Variants in NCF4 observed in about 807,000 individuals in gnomAD.
The protein encoded by NCF4 is neutrophil cytosol factor 4.
A neutral mutation model predicts 41.7 loss-of-function variants in NCF4; 30 were observed. The ratio of observed to expected loss-of-function variants is 0.72; its 90% CI spans 0.54 to 0.97. The LOEUF (loss-of-function observed/expected upper bound fraction) is 0.97. NCF4 is among the 50% of genes least tolerant of loss of function. The probability of loss-of-function intolerance (pLI) is 0.00; values close to 1 mark genes in which losing one functional copy is unlikely to be tolerated. For synonymous variants in NCF4, 195 were observed against 175.8 expected (o/e 1.11, Z -0.87); for missense variants, 432 against 460.9 (o/e 0.94, Z 0.57).
At position 36,865,185 on chromosome 22, in the gene NCF4, G is replaced by A; in HGVS notation, c.271+113G>A. ...AACCCCAGTGAAAACTGTTCATGTA[G>A]TTTATAGCCCCCACTCCCGGCAGTT... is the stretch of plus-strand genomic sequence containing the variant. On this transcript the variant is annotated intron_variant, in intron 3 of 9. Transcript: ENST00000248899. This position sits in a 1 kb window ranked among gnomAD's most constrained non-coding sequence, Gnocchi z 4.3. 1 of 1,468,930 alleles carries A rather than the reference G, an allele frequency of 6.8e-7. No individual in the cohort carries two copies. The highest frequency in any genetic ancestry group is 9.3e-7 in the Non-Finnish European group (1 of 1,079,634). 91.0% of individuals were successfully genotyped at this position (1,468,930 alleles called of 1,614,324 possible).
At chr22:36,861,332 C>G in intron 1 of NCF4, 129 bp downstream of exon 1, 8 of 1,207,424 alleles carry the variant, frequency 6.6e-6, no homozygotes, top group Admixed American at 2.0e-5. Flanking sequence ...CCCAAATACT[C>G]AGAAATGCAA....
chr22:36,872,342 A>C lies in NCF4; in HGVS notation c.544A>C (p.Thr182Pro), dbSNP rs1168414742. 1 of 1,610,650 alleles carries C rather than the reference A, an allele frequency of 6.2e-7. No individual in the cohort carries two copies. Among genetic ancestry groups the C allele is most frequent in the Non-Finnish European group, 8.5e-7 (1 of 1,176,872 alleles). Residue 182 changes from threonine (T) to proline (P), a missense_variant, in exon 7 of 10, where the codon ACT (threonine) becomes CCT (proline). Transcript: ENST00000248899. Reference protein sequence around the residue: ...APRAEALFDFTGNSKLELNFK... With the variant: ...APRAEALFDFPGNSKLELNFK... Reference sequence around the variant, plus strand: ...TTCTCCTCAGGCTCTATTTGACTTCACTGGAAACAGCAAACTGGAGCTGAA... The same window carrying C: ...TTCTCCTCAGGCTCTATTTGACTTCCCTGGAAACAGCAAACTGGAGCTGAA...
chr22:36,863,029 G>T (rs1282972151), intron 1 of NCF4, among the ~76,000 whole-genome samples: 1 of 152,174 alleles, frequency 6.6e-6, no homozygotes. Context: ...CCTGGGTGAG[G>T]TCCCCAAGGG....
intron 2 of NCF4, among the ~76,000 whole-genome samples, chr22:36,864,542 T>C (rs930330743): frequency 6.6e-6 from 1 of 152,122 alleles, no homozygotes; most frequent in South Asian, 2.1e-4. Flanking sequence ...CAGACACAGA[T>C]GGAGGGGGCA....
rs567656365 is a variant in NCF4 at position 36,870,416 on chromosome 22, G to A, written c.344G>A (p.Ser115Asn). Residue 115 changes from serine (S) to asparagine (N), a missense_variant and splice_region_variant, in exon 5 of 10, where the codon AGC (serine) becomes AAC (asparagine). By Grantham distance (46) the Ser-to-Asn change is conservative. Coordinates refer to ENST00000248899, the MANE Select transcript of NCF4 (RefSeq NM_000631.5). Reference protein sequence around the residue: ...RIPALNAYMKSLLSLPVWVLM... With the variant: ...RIPALNAYMKNLLSLPVWVLM... ...GGTTCTGCTGTCTCACCCACACAGA[G>A]CCTGCTCAGCCTGCCGGTCTGGGTG... 50 of 1,613,840 alleles carry A rather than the reference G, an allele frequency of 3.1e-5. 1 individual carries two copies. The East Asian group carries it at 6.7e-4, about 22-fold the overall frequency.
Position 36,877,760 on chromosome 22 carries a change from C to A in NCF4, c.957C>A (p.Leu319=). 1 of 1,614,112 alleles carries A rather than the reference C, an allele frequency of 6.2e-7. No individual in the cohort carries two copies. The highest frequency in any genetic ancestry group is 8.5e-7 in the Non-Finnish European group (1 of 1,180,020). ...QARGLPSQKR[L]FPWKLHITQK... ...GTGGCCTCCCCTCCCAGAAGCGCCTCTTCCCCTGGAAGCTGCACATCACGC... is the reference window on the plus strand; with the variant it reads ...GTGGCCTCCCCTCCCAGAAGCGCCTATTCCCCTGGAAGCTGCACATCACGC... The change falls in exon 10 of 10, where the codon CTC becomes CTA. Residue 319 remains leucine (L), a synonymous_variant. Transcript: ENST00000248899.
chr22:36,867,534 C>T, intron 4 of NCF4, 72 bp downstream of exon 4: 1 of 1,523,812 alleles, frequency 6.6e-7, no homozygotes, highest in Non-Finnish European at 9.1e-7. Flanking sequence ...ACGTACCATC[C>T]CTGGGTATGG....
At chr22:36,874,968 A>G (rs1818448731) in intron 7 of NCF4, among the ~76,000 whole-genome samples, 1 of 152,180 alleles carries the variant, frequency 6.6e-6, no homozygotes, top group African/African-American at 2.4e-5. Context: ...CAGCGCGCAC[A>G]GCGTGTCATT....
intron 6 of NCF4, 176 bp from the exon 7 acceptor site, chr22:36,872,151 T>G: frequency 1.4e-6 from 1 of 719,794 alleles, no homozygotes. Flanking sequence ...CAGGGAGACC[T>G]GGGTTCAATT....
rs6000455 is a variant in NCF4 at position 36,871,727 on chromosome 22, G to A, written c.528+18G>A. 85 of 1,552,978 alleles carry A rather than the reference G, an allele frequency of 5.5e-5. No individual in the cohort carries two copies. Among genetic ancestry groups the A allele is most frequent in the African/African-American group, 4.2e-4 (31 of 73,356 alleles). On this transcript the variant is annotated intron_variant, in intron 6 of 9. Transcript: ENST00000248899. ...GAGCAGAGGTAACCCCCGCCCCCAC[G>A]CTGGCCAGGCTCTCACACTGTGGGC...
chr22:36,873,915 G>C (rs1477173596), intron 7 of NCF4, among the ~76,000 whole-genome samples: 1 of 152,238 alleles, frequency 6.6e-6, no homozygotes, highest in African/African-American at 2.4e-5. Context: ...AGCAGTAAAA[G>C]CTGCTGATGA....
chr22:36,868,749 C>G (rs545248870), intron 4 of NCF4, among the ~76,000 whole-genome samples: 1 of 152,280 alleles, frequency 6.6e-6, no homozygotes, highest in African/African-American at 2.4e-5. Context: ...TCTTAGCAAC[C>G]AGCAGCCCAG....
At chr22:36,861,794 A>G (rs1373082468) in intron 1 of NCF4, among the ~76,000 whole-genome samples, 2 of 152,190 alleles carry the variant, frequency 1.3e-5, no homozygotes, top group Non-Finnish European at 2.9e-5. Context: ...GTCCGTTTTG[A>G]TCGCTGCTGT....
chr22:36,864,013 A>G (rs370630589), intron 1 of NCF4, 32 bp from the exon 2 acceptor site: 128 of 1,600,430 alleles, frequency 8.0e-5, no homozygotes, highest in Non-Finnish European at 1.1e-4. Flanking sequence ...TCAGGGTGAT[A>G]AGCAGGATCT....
chr22:36,871,366 T>C (rs1940050613), intron 5 of NCF4, among the ~76,000 whole-genome samples: 1 of 152,212 alleles, frequency 6.6e-6, no homozygotes, highest in Admixed American at 6.5e-5. Flanking sequence ...ATCTGAACAC[T>C]TTGGCAAGTG....
intron 1 of NCF4, among the ~76,000 whole-genome samples, chr22:36,861,812 G>A (rs1348713076): frequency 6.6e-6 from 1 of 152,200 alleles, no homozygotes; most frequent in Non-Finnish European, 1.5e-5. Flanking sequence ...TGTATCACTA[G>A]GAGGTAGCTC....
chr22:36,874,114 C>T (rs749054707), intron 7 of NCF4, among the ~76,000 whole-genome samples: 1 of 152,172 alleles, frequency 6.6e-6, no homozygotes, highest in Non-Finnish European at 1.5e-5. Context: ...GGGTGTGCGG[C>T]GCCTGGCCAG....
Position 36,867,247 on chromosome 22 carries a change from C to A in NCF4, c.272-145C>A, listed in dbSNP as rs1939949404. On this transcript the variant is annotated intron_variant, in intron 3 of 9. Coordinates refer to ENST00000248899, the MANE Select transcript of NCF4 (RefSeq NM_000631.5). ...AAGTTGGATGGTGCCAGAGTGGCCA[C>A]TTCAGTGCTGTGAAAAGATAACAGG... is the stretch of plus-strand genomic sequence containing the variant. 3 of 823,108 alleles carry A rather than the reference C, an allele frequency of 3.6e-6. No individual in the cohort carries two copies. In the South Asian group the frequency reaches 4.3e-5, roughly 12 times the overall value. The allele number at this position is 823,108 out of a possible 1,614,324, so 51.0% of individuals were successfully genotyped here.
Position 36,875,700 on chromosome 22 carries a change from G to T in NCF4, c.675G>T (p.Lys225Asn). ...GCATCTTCCCTCTCTCCTTCGTGAA[G>T]ATCCTCAAAGACTTCCCTGAGGAGG... ...ATGIFPLSFV[K>N]ILKDFPEEDD... The change falls in exon 8 of 10, where the codon AAG (lysine) becomes AAT (asparagine). Residue 225 changes from lysine to asparagine, a missense_variant. Physicochemically the swap from Lys to Asn is moderately conservative, Grantham distance 94. Transcript: ENST00000248899. The T allele has an allele frequency of 6.2e-7, 1 of 1,613,388 alleles. No individual in the cohort carries two copies.
Sources: allele counts gnomAD v4.1 joint callset (sites outside exome capture counted in the v4.1 genomes callset), GRCh38; gene constraint gnomAD v4.1.1; non-coding constraint Gnocchi (gnomAD v3.1); transcripts MANE v1.5; gene names NCBI Gene and HGNC (gene_info 2026-07-23, HGNC 2026-07-21).